Variants in ZFPM1 observed in about 807,000 individuals in gnomAD.
The protein encoded by ZFPM1 is zinc finger protein ZFPM1.
A neutral mutation model predicts 46.3 loss-of-function variants in ZFPM1; 28 were observed. That is an observed-to-expected ratio of 0.60 (90% confidence interval 0.45 to 0.83). The LOEUF is 0.83. Among genes scored for constraint, ZFPM1 ranks in the 40% least tolerant of loss-of-function variants. The pLI is 0.00. For synonymous variants in ZFPM1, 957 were observed against 675.9 expected (o/e 1.42, Z -6.45); for missense variants, 1,878 against 1,432.4 (o/e 1.31, Z -5.02).
Position 88,533,800 on chromosome 16 carries a change from G to T in ZFPM1, c.1842G>T (p.Arg614Ser). Residue 614 changes from arginine to serine, a missense_variant, in exon 10 of 10, where the codon AGG (arginine) becomes AGT (serine). Transcript: ENST00000319555. ...RAPEDAPAAR[R>S]PKAPPGPARA... Reference sequence around the variant, plus strand: ...CCGAGGACGCGCCTGCCGCGCGCAGGCCCAAGGCGCCCCCCGGCCCGGCCC... The same window carrying T: ...CCGAGGACGCGCCTGCCGCGCGCAGTCCCAAGGCGCCCCCCGGCCCGGCCC... The T allele has an allele frequency of 1.7e-6, 2 of 1,151,200 alleles. No homozygotes were observed. Among genetic ancestry groups the T allele is most frequent in the East Asian group, 5.1e-5 (1 of 19,770 alleles). 71.3% of individuals were successfully genotyped at this position (1,151,200 alleles called of 1,614,324 possible). A position where few individuals can be genotyped will look rare whatever the true frequency, so the allele number is the denominator to read the frequency against.
At position 88,534,995 on chromosome 16, in the gene ZFPM1, C is replaced by A; in HGVS notation, c.*16C>A. The stretch of plus-strand genomic sequence containing the variant: ...CGTGAAGTGAGCGCCCACACTACAG[C>A]CGCAGACGCTTTGCACGCCCCGCTG... On this transcript the variant is annotated 3_prime_UTR_variant, in exon 10 of 10. Coordinates refer to ENST00000319555, the MANE Select transcript of ZFPM1 (RefSeq NM_153813.3). 1 of 1,386,152 alleles carries A rather than the reference C, an allele frequency of 7.2e-7. No individual in the cohort carries two copies. The highest frequency in any genetic ancestry group is 9.5e-7 in the Non-Finnish European group (1 of 1,057,112). 85.9% of individuals were successfully genotyped at this position (1,386,152 alleles called of 1,614,324 possible).
At chr16:88,472,512 C>T (rs1253471210) in intron 1 of ZFPM1, among the ~76,000 whole-genome samples, 1 of 151,968 alleles carries the variant, frequency 6.6e-6, no homozygotes, top group Non-Finnish European at 1.5e-5. Context: ...TGCCACCACG[C>T]CCAGCTAATT....
intron 1 of ZFPM1, among the ~76,000 whole-genome samples, chr16:88,461,160 GAGACC>G (rs1907850106): frequency 7.7e-6 from 1 of 130,712 alleles, no homozygotes; most frequent in African/African-American, 3.5e-5. Flanking sequence ...CGAGGGGCGG[GAGACC>G]TGGTGAGGAC....
rs879014947 is a variant in ZFPM1, at chr16:88,517,472, CTGGGTGGATGGA to C, written c.402+2956_402+2967del. 1.6e-4 allele frequency among the ~76,000 whole-genome samples: 9 copies of C among 54,590 alleles called. No individual in the cohort carries two copies. In the South Asian group the frequency reaches 4.2e-3, roughly 26 times the overall value. 35.8% of individuals were successfully genotyped at this position (54,590 alleles called of 152,430 possible). On this transcript the variant is annotated intron_variant, in intron 4 of 9. Coordinates refer to ENST00000319555, the MANE Select transcript of ZFPM1 (RefSeq NM_153813.3). ...GATGTGTAGGTAAATGGATGGATGG[CTGGGTGGATGGA>C]TGGATGGATGGATGGATGGATGGAT... is the stretch of plus-strand genomic sequence containing the variant.
chr16:88,486,448 A>G (rs1327774473), intron 2 of ZFPM1, among the ~76,000 whole-genome samples: 1 of 152,128 alleles, frequency 6.6e-6, no homozygotes, highest in Admixed American at 6.5e-5. Context: ...GCTTGGGCTG[A>G]GTGCACAGTG....
At chr16:88,454,651 G>A (rs915145506) in intron 1 of ZFPM1, among the ~76,000 whole-genome samples, 1 of 152,262 alleles carries the variant, frequency 6.6e-6, no homozygotes, top group East Asian at 1.9e-4. Flanking sequence ...TCTGGCCTGG[G>A]CCTCTGGGCT....
Position 88,533,898 on chromosome 16 carries a change from G to C in ZFPM1, c.1940G>C (p.Gly647Ala). 1 of 1,071,770 alleles carries C rather than the reference G, an allele frequency of 9.3e-7. No individual in the cohort carries two copies. Among genetic ancestry groups the C allele is most frequent in the Non-Finnish European group, 1.1e-6 (1 of 882,870 alleles). 66.4% of individuals were successfully genotyped at this position (1,071,770 alleles called of 1,614,324 possible). ...CCGGGCCCCGGAGCGCGCGAGGAGG[G>C]GGCTGGGGGCGCGGCCACGCCCGAG... ...SSPGPGAREE[G>A]AGGAATPEDG... is the part of the protein sequence containing the mutation. Residue 647 changes from glycine (G) to alanine (A), a missense_variant, in exon 10 of 10, where the codon GGG becomes GCG. Transcript: ENST00000319555.
chr16:88,527,216 C>T (rs1912410499), intron 5 of ZFPM1, among the ~76,000 whole-genome samples: 1 of 152,208 alleles, frequency 6.6e-6, no homozygotes, highest in Admixed American at 6.5e-5. Context: ...GTATCTCCTC[C>T]CTGCCTTGGC....
chr16:88,477,173 C>T (rs568157344), intron 1 of ZFPM1, among the ~76,000 whole-genome samples: 1 of 152,334 alleles, frequency 6.6e-6, no homozygotes, highest in African/African-American at 2.4e-5. Context: ...GGGAGAGAAG[C>T]GGGCACAGTT....
At position 88,456,090 on chromosome 16, in the gene ZFPM1, G is replaced by A. The variant is rs1421665702; in HGVS notation, c.40+2412G>A. Among the ~76,000 whole-genome samples the A allele has an allele frequency of 3.9e-5, 6 of 152,388 alleles. No individual in the cohort carries two copies. In the South Asian group the frequency reaches 6.2e-4, roughly 16 times the overall value. ...TGGAACGGCCCGGGTTGGGGCCGGG[G>A]AGCCGGCGTCCCTGCGCTGGTCTGT... On this transcript the variant is annotated intron_variant, in intron 1 of 9. Coordinates refer to ENST00000319555, the MANE Select transcript of ZFPM1 (RefSeq NM_153813.3).
chr16:88,528,346 C>G, intron 6 of ZFPM1, 108 bp downstream of exon 6: 1 of 1,251,290 alleles, frequency 8.0e-7, no homozygotes, highest in Non-Finnish European at 1.1e-6. Flanking sequence ...CTGCAGGCTG[C>G]CGACAGAGTG....
At position 88,514,400 on chromosome 16, in the gene ZFPM1, G is replaced by A. The variant is rs769825796; in HGVS notation, c.282G>A (p.Pro94=). The stretch of plus-strand genomic sequence containing the variant: ...GTCTCTCTGCAGACGAGCTGGAGCC[G>A]GTGGTGCAGGATGGGCAGAGGCGCA... ...SPWSGPDELE[P]VVQDGQRRIR... is the part of the protein sequence containing the mutation. The change falls in exon 4 of 10, where the codon CCG becomes CCA. Residue 94 remains proline, a synonymous_variant. Coordinates refer to ENST00000319555, the MANE Select transcript of ZFPM1 (RefSeq NM_153813.3). 3.5e-5 allele frequency: 55 copies of A among 1,564,648 alleles called. No homozygotes were observed. Among genetic ancestry groups the A allele is most frequent in the Middle Eastern group, 1.7e-4 (1 of 6,010 alleles).
intron 4 of ZFPM1, among the ~76,000 whole-genome samples, chr16:88,519,005 G>T (rs953980815): frequency 1.3e-5 from 2 of 150,686 alleles, no homozygotes; most frequent in Admixed American, 6.6e-5. Context: ...TAGACGTATG[G>T]GTGGATGGAT....
intron 3 of ZFPM1, among the ~76,000 whole-genome samples, chr16:88,492,107 C>T (rs1265382030): frequency 2.0e-5 from 3 of 152,054 alleles, no homozygotes; most frequent in Non-Finnish European, 2.9e-5. Context: ...CATCCCTCCT[C>T]GCCTTCTCCC....
intron 1 of ZFPM1, among the ~76,000 whole-genome samples, chr16:88,472,348 A>C (rs1908464725): frequency 6.7e-6 from 1 of 149,498 alleles, no homozygotes; most frequent in Admixed American, 6.6e-5. Context: ...TTTTTGTTTG[A>C]ATTTTCTTTT....
At chr16:88,512,063 C>G (rs1018424692) in intron 3 of ZFPM1, among the ~76,000 whole-genome samples, 1 of 152,252 alleles carries the variant, frequency 6.6e-6, no homozygotes, top group African/African-American at 2.4e-5. Context: ...CCCTCTCTGG[C>G]AGTGTGTGAT....
chr16:88,455,042 A>G (rs1056321467), intron 1 of ZFPM1, among the ~76,000 whole-genome samples: 1 of 151,878 alleles, frequency 6.6e-6, no homozygotes, highest in African/African-American at 2.4e-5. Context: ...GTGTCAACTC[A>G]AGTATTAAAA....
intron 1 of ZFPM1, among the ~76,000 whole-genome samples, chr16:88,468,491 G>A (rs985102212): frequency 6.6e-6 from 1 of 152,142 alleles, no homozygotes; most frequent in African/African-American, 2.4e-5. Flanking sequence ...CAGCTGTGCC[G>A]GCCTCTTGGC....
chr16:88,533,818 C>G lies in ZFPM1; in HGVS notation c.1860C>G (p.Gly620=). 1 of 1,028,808 alleles carries G rather than the reference C, an allele frequency of 9.7e-7. No homozygotes were observed. The highest frequency in any genetic ancestry group is 1.2e-6 in the Non-Finnish European group (1 of 851,978). The allele number at this position is 1,028,808 out of a possible 1,614,324, so 63.7% of individuals were successfully genotyped here. The change falls in exon 10 of 10, where the codon GGC becomes GGG. Residue 620 remains glycine, a synonymous_variant. Transcript: ENST00000319555. ...CGCGCAGGCCCAAGGCGCCCCCCGG[C>G]CCGGCCCGCGCGCCCCCCGGCCAGC... The part of the protein sequence containing the change: ...PAARRPKAPP[G]PARAPPGQPA...
Sources: gnomAD v4.1 joint callset for allele counts (sites outside exome capture counted in the v4.1 genomes callset) on GRCh38, gnomAD v4.1.1 for gene constraint, MANE v1.5 for transcripts, NCBI Gene and HGNC (gene_info 2026-07-23, HGNC 2026-07-21) for gene names.